Variants in PDE4D observed in about 807,000 individuals in gnomAD.
PDE4D encodes the protein 3',5'-cyclic-AMP phosphodiesterase 4D.
A neutral mutation model predicts 87.4 loss-of-function variants in PDE4D; 24 were observed. The ratio of observed to expected loss-of-function variants is 0.27; its 90% CI spans 0.20 to 0.39. The LOEUF is 0.39. PDE4D is among the 10% of genes least tolerant of loss of function. PDE4D has a pLI of 1.00. For synonymous variants in PDE4D, 384 were observed against 383.2 expected (o/e 1.00, Z -0.02); for missense variants, 714 against 1,041.0 (o/e 0.69, Z 4.32).
chr5:59,803,874 A>C (rs1391778463), intron 1 of PDE4D, among the ~76,000 whole-genome samples: 1 of 152,226 alleles, frequency 6.6e-6, no homozygotes, highest in Non-Finnish European at 1.5e-5. Flanking sequence ...AGTTGTTTTA[A>C]AAAGTGAGGG....
At chr5:59,041,423 G>T (rs899559441) in intron 5 of PDE4D, among the ~76,000 whole-genome samples, 1 of 152,120 alleles carries the variant, frequency 6.6e-6, no homozygotes, top group Admixed American at 6.6e-5. Flanking sequence ...CCATGGTAGT[G>T]CATCTACTAT....
chr5:59,241,103 C>T (rs966559959), intron 1 of PDE4D, among the ~76,000 whole-genome samples: 9 of 152,060 alleles, frequency 5.9e-5, no homozygotes, highest in African/African-American at 1.9e-4. Context: ...TTACAGATCT[C>T]CAAAGCTTAT....
At chr5:59,576,807 C>T (rs1004631030) in intron 1 of PDE4D, among the ~76,000 whole-genome samples, 1 of 152,088 alleles carries the variant, frequency 6.6e-6, no homozygotes, top group Non-Finnish European at 1.5e-5. Flanking sequence ...TCAAATCTGG[C>T]ACAGATTATT....
At chr5:60,243,467 C>A (rs569566258) in intron 1 of PDE4D, among the ~76,000 whole-genome samples, 6 of 152,036 alleles carry the variant, frequency 3.9e-5, no homozygotes, top group African/African-American at 7.2e-5. Flanking sequence ...TTCTACGATG[C>A]CAGTATTACC....
chr5:59,441,610 G>T (rs1346898824), intron 1 of PDE4D, among the ~76,000 whole-genome samples: 1 of 152,086 alleles, frequency 6.6e-6, no homozygotes, highest in East Asian at 1.9e-4. Context: ...CACACCCCAG[G>T]TGTGATATGA....
intron 1 of PDE4D, among the ~76,000 whole-genome samples, chr5:59,500,394 C>A (rs905953570): frequency 6.6e-6 from 1 of 151,968 alleles, no homozygotes; most frequent in African/African-American, 2.4e-5. Flanking sequence ...AGAAAATGTG[C>A]TACATATATA....
chr5:59,893,093 C>A (rs1298687522), intron 1 of PDE4D, 75 bp downstream of exon 1: 2 of 1,423,988 alleles, frequency 1.4e-6, no homozygotes, highest in African/African-American at 1.5e-5. Context: ...GGTGATAAGC[C>A]GACTTAGATG....
At chr5:60,007,967 A>G (rs1304211056) in intron 2 of PDE4D, among the ~76,000 whole-genome samples, 1 of 152,026 alleles carries the variant, frequency 6.6e-6, no homozygotes. Flanking sequence ...TATTCAGTTA[A>G]GAGTGGCTGA....
At chr5:59,782,883 G>A (rs1158517639) in intron 1 of PDE4D, among the ~76,000 whole-genome samples, 1 of 152,180 alleles carries the variant, frequency 6.6e-6, no homozygotes, top group African/African-American at 2.4e-5. Context: ...AATAGAATAT[G>A]ATGACCCAAC....
chr5:59,848,919 A>G (rs945871272), intron 1 of PDE4D, among the ~76,000 whole-genome samples: 2 of 152,030 alleles, frequency 1.3e-5, no homozygotes, highest in Non-Finnish European at 2.9e-5. Context: ...TGGTGACATG[A>G]CAACAGGAAT....
At chr5:59,458,626 C>A (rs570513767) in intron 1 of PDE4D, among the ~76,000 whole-genome samples, 2 of 152,148 alleles carry the variant, frequency 1.3e-5, no homozygotes, top group Non-Finnish European at 2.9e-5. Context: ...ATTAACTGTA[C>A]GATTGGTTAA....
chr5:60,403,840 G>A (rs915238224), intron 1 of PDE4D, among the ~76,000 whole-genome samples: 16 of 152,270 alleles, frequency 1.1e-4, no homozygotes, highest in African/African-American at 9.6e-5. Flanking sequence ...GAAAATGCAC[G>A]TGAAGCAGGC....
At chr5:60,036,128 AC>A (rs1251330449) in intron 2 of PDE4D, among the ~76,000 whole-genome samples, 1 of 152,218 alleles carries the variant, frequency 6.6e-6, no homozygotes, top group Non-Finnish European at 1.5e-5. Flanking sequence ...TTGATATGAC[AC>A]AAATGAATGT....
intron 1 of PDE4D, among the ~76,000 whole-genome samples, chr5:60,364,525 C>A (rs1451008493): frequency 6.6e-6 from 1 of 152,058 alleles, no homozygotes; most frequent in Non-Finnish European, 1.5e-5. Context: ...TAAATACTAT[C>A]ATAAAATATT....
At chr5:59,663,871 C>T (rs767074332) in intron 1 of PDE4D, among the ~76,000 whole-genome samples, 2 of 152,176 alleles carry the variant, frequency 1.3e-5, no homozygotes, top group Non-Finnish European at 2.9e-5. Context: ...AATAACATAA[C>T]ATTCAGCTCT....
chr5:59,292,602 C>A (rs181122122), intron 1 of PDE4D, among the ~76,000 whole-genome samples: 1 of 152,092 alleles, frequency 6.6e-6, no homozygotes, highest in Admixed American at 6.6e-5. Context: ...AAACTCAGCA[C>A]ATAAGTTTTT....
intron 1 of PDE4D, among the ~76,000 whole-genome samples, chr5:59,313,482 A>G (rs940286131): frequency 1.3e-5 from 2 of 151,890 alleles, no homozygotes; most frequent in African/African-American, 4.9e-5. Flanking sequence ...GTCCTACCTC[A>G]GGGTTTTAGA....
chr5:60,480,132 A>G (rs1422957916), intron 1 of PDE4D, among the ~76,000 whole-genome samples: 1 of 152,172 alleles, frequency 6.6e-6, no homozygotes, highest in Non-Finnish European at 1.5e-5. Context: ...CACCTCAATC[A>G]GTATCACCAA....
intron 1 of PDE4D, among the ~76,000 whole-genome samples, chr5:60,353,097 T>G (rs1759337943): frequency 6.6e-6 from 1 of 152,174 alleles, no homozygotes; most frequent in Non-Finnish European, 1.5e-5. Context: ...CCTTCAGAAA[T>G]AGTTCCCAAG....
Sources: gnomAD v4.1 joint callset for allele counts (sites outside exome capture counted in the v4.1 genomes callset) on GRCh38, gnomAD v4.1.1 for gene constraint, MANE v1.5 for transcripts, NCBI Gene and HGNC (gene_info 2026-07-23, HGNC 2026-07-21) for gene names.